The following NEDD9 variants were observed in gnomAD, a reference collection of about 807,000 sequenced individuals.
NEDD9 encodes enhancer of filamentation 1.
In NEDD9, 26 loss-of-function variants were observed where a neutral mutation model predicts 76.6. The observed-to-expected ratio is 0.34, with a 90% CI of 0.25 to 0.47. The LOEUF is 0.47. NEDD9 is among the 20% of genes least tolerant of loss of function. The probability of loss-of-function intolerance (pLI) is 1.00; values close to 1 mark genes in which losing one functional copy is unlikely to be tolerated. For missense variants in NEDD9, 937 were observed against 1,058.5 expected, an observed-to-expected ratio of 0.89 and a Z score of 1.59; for synonymous variants, 392 against 414.2, an observed-to-expected ratio of 0.95 and a Z score of 0.65.
intron 1 of NEDD9, among the ~76,000 whole-genome samples, chr6:11,351,066 G>T (rs1762459451): frequency 6.6e-6 from 1 of 152,178 alleles, no homozygotes; most frequent in African/African-American, 2.4e-5. Context: ...CTTTTGAGAA[G>T]TGGATTCTTA....
chr6:11,232,721 G>A (rs940187680), upstream of NEDD9: 32 of 1,430,806 alleles, frequency 2.2e-5, no homozygotes, highest in Middle Eastern at 2.6e-4. Context: ...TTTGCATGCC[G>A]CCCCGCCATT....
At chr6:11,381,583 G>A (rs557429696) in intron 1 of NEDD9, among the ~76,000 whole-genome samples, 1 of 152,290 alleles carries the variant, frequency 6.6e-6, no homozygotes, top group East Asian at 1.9e-4. Context: ...GGCTCACTAT[G>A]GACAGGGAGA....
In NEDD9 at chr6:11,348,251, C is replaced by G. The variant is rs571522808; in HGVS notation, c.-213-13690G>C. On this transcript the variant is annotated intron_variant, in intron 1 of 3. Coordinates refer to the NEDD9 transcript ENST00000397378. ...AGGTGAAAGATCTCTGCAATGAGAA[C>G]TACAAAACACTGCTCAAAGAAATCA... Among the ~76,000 whole-genome samples, 10 of 152,276 alleles carry G rather than the reference C, an allele frequency of 6.6e-5. 1 individual carries two copies. The South Asian group carries it at 2.1e-3, about 32-fold the overall frequency.
intron 1 of NEDD9, among the ~76,000 whole-genome samples, chr6:11,217,766 G>C (rs2113766105): frequency 6.6e-6 from 1 of 152,320 alleles, no homozygotes; most frequent in East Asian, 1.9e-4. Context: ...GTGAAATACA[G>C]GTGCAACACA....
At chr6:11,323,597 G>A (rs994326272) in intron 2 of NEDD9, among the ~76,000 whole-genome samples, 29 of 152,294 alleles carry the variant, frequency 1.9e-4, no homozygotes, top group African/African-American at 6.3e-4. Flanking sequence ...AACATCCTAC[G>A]GTACACTGGA....
At chr6:11,339,177 GTCATACACTATATAATTA>G (rs1402191704) in intron 1 of NEDD9, among the ~76,000 whole-genome samples, 33 of 152,010 alleles carry the variant, frequency 2.2e-4, no homozygotes, top group African/African-American at 8.0e-4. Flanking sequence ...TCTCATAATT[GTCATACACTATATAATTA>G]TCTATATATT....
At chr6:11,306,056 T>A (rs1365505990) in exon 3 of NEDD9, 1 of 1,611,502 alleles carries the variant, frequency 6.2e-7, no homozygotes, top group Non-Finnish European at 8.5e-7. Context: ...AATTCCGGCG[T>A]TTTACTCTTC....
At chr6:11,244,901 A>G (rs968163022) in intron 3 of NEDD9, among the ~76,000 whole-genome samples, 5 of 152,304 alleles carry the variant, frequency 3.3e-5, no homozygotes, top group Middle Eastern at 3.4e-3. Flanking sequence ...CTCTTAGACA[A>G]CTCAGTTCAG....
intron 1 of NEDD9, among the ~76,000 whole-genome samples, chr6:11,371,007 G>A (rs1762864510): frequency 6.6e-6 from 1 of 152,154 alleles, no homozygotes; most frequent in Non-Finnish European, 1.5e-5. Flanking sequence ...TCTCCCAGAA[G>A]GTCCTTCCAG....
intron 1 of NEDD9, among the ~76,000 whole-genome samples, chr6:11,222,985 T>G (rs1235573375): frequency 6.6e-6 from 1 of 152,216 alleles, no homozygotes; most frequent in Non-Finnish European, 1.5e-5. Context: ...CGGGCAATGT[T>G]TAGTGGCATT....
intron 3 of NEDD9, chr6:11,305,277 G>C (rs1446843082): frequency 1.9e-6 from 1 of 526,772 alleles, no homozygotes; most frequent in East Asian, 7.0e-5. Context: ...CAATCTTCCT[G>C]TCACCATTTT....
rs1487649188 is a variant in NEDD9, at chr6:11,270,431, C to T, written c.12+35561G>A. The stretch of plus-strand genomic sequence containing the variant: ...TATATCTTCACAGAGTGATTTCTTG[C>T]CCCCGGCTTTTCCTACCATCCCAGG... On this transcript the variant is annotated intron_variant, in intron 3 of 3. Transcript: ENST00000397378. 2.7e-5 allele frequency among the ~76,000 whole-genome samples: 4 copies of T among 150,828 alleles called. No individual in the cohort carries two copies. The East Asian group carries it at 7.8e-4, about 29-fold the overall frequency.
chr6:11,231,957 T>C (rs919970289), intron 1 of NEDD9, among the ~76,000 whole-genome samples: 4 of 152,336 alleles, frequency 2.6e-5, no homozygotes, highest in Admixed American at 2.6e-4. Flanking sequence ...AACATAAGGA[T>C]GTCAAAATTT....
chr6:11,225,800 C>CTT (rs5874311), intron 1 of NEDD9, among the ~76,000 whole-genome samples: 12 of 135,172 alleles, frequency 8.9e-5, no homozygotes, highest in African/African-American at 1.9e-4. Context: ...CGCGCCCGGC[C>CTT]TTTTTTTTTT....
chr6:11,221,839 C>G (rs1759154083), intron 1 of NEDD9, among the ~76,000 whole-genome samples: 1 of 152,092 alleles, frequency 6.6e-6, no homozygotes, highest in African/African-American at 2.4e-5. Context: ...ATGATGAAGG[C>G]CTGACACCCA....
chr6:11,236,763 A>C (rs1413010245), upstream of NEDD9, among the ~76,000 whole-genome samples: 1 of 152,174 alleles, frequency 6.6e-6, no homozygotes, highest in South Asian at 2.1e-4. This position sits in a 1 kb window ranked among gnomAD's most constrained non-coding sequence, Gnocchi z 5.5. Flanking sequence ...CACGTTGCTC[A>C]CTACGTGTTT....
In NEDD9 at chr6:11,380,206, T is replaced by C. The variant is rs796550404; in HGVS notation, c.-214+1933A>G. On this transcript the variant is annotated intron_variant, in intron 1 of 3. Coordinates refer to the NEDD9 transcript ENST00000397378. Reference sequence around the variant, plus strand: ...ATCATTGGAAAACAGACGACTAAACTCTTTAAGTACCTACAGTAGTAGGTG... The same window carrying C: ...ATCATTGGAAAACAGACGACTAAACCCTTTAAGTACCTACAGTAGTAGGTG... 5.9e-5 allele frequency among the ~76,000 whole-genome samples: 9 copies of C among 152,294 alleles called. No individual in the cohort carries two copies. The South Asian group carries it at 8.3e-4, about 14-fold the overall frequency.
At chr6:11,310,221 C>T (rs1761326378) in intron 2 of NEDD9, among the ~76,000 whole-genome samples, 1 of 152,158 alleles carries the variant, frequency 6.6e-6, no homozygotes, top group South Asian at 2.1e-4. Context: ...TCTGTTCCTC[C>T]AGGAAGCAGC....
intron 2 of NEDD9, among the ~76,000 whole-genome samples, chr6:11,206,961 G>C (rs1289364113): frequency 1.3e-5 from 2 of 152,212 alleles, no homozygotes; most frequent in Non-Finnish European, 2.9e-5. Flanking sequence ...CAAAACCCAT[G>C]TATCGAGGCA....
Sources: gnomAD v4.1 joint callset for allele counts (sites outside exome capture counted in the v4.1 genomes callset) on GRCh38, gnomAD v4.1.1 for gene constraint, Gnocchi (gnomAD v3.1) non-coding constraint, MANE v1.5 for transcripts, NCBI Gene and HGNC (gene_info 2026-07-23, HGNC 2026-07-21) for gene names.